The following ZRANB3 variants were observed in gnomAD, a reference collection of about 807,000 sequenced individuals.
ZRANB3 encodes the protein DNA annealing helicase and endonuclease ZRANB3.
In ZRANB3, 125 loss-of-function variants were observed where a neutral mutation model predicts 133.8. The ratio of observed to expected loss-of-function variants is 0.93; its 90% CI spans 0.81 to 1.08. ZRANB3 has a LOEUF of 1.08. Among genes scored for constraint, ZRANB3 ranks in the 50% least tolerant of loss-of-function variants. The pLI is 0.00. For synonymous variants in ZRANB3, 387 were observed against 432.7 expected (o/e 0.89, Z 1.31); for missense variants, 1,229 against 1,275.5 (o/e 0.96, Z 0.56).
chr2:135,200,525 T>A, intron 20 of ZRANB3, 85 bp from the exon 21 acceptor site: 3 of 1,175,006 alleles, frequency 2.6e-6, no homozygotes, highest in Non-Finnish European at 2.4e-6. Context: ...ATTGTTAGTT[T>A]GGAAAATCTA....
chr2:135,236,458 CA>C (rs780348477), intron 12 of ZRANB3, among the ~76,000 whole-genome samples: 1 of 151,902 alleles, frequency 6.6e-6, no homozygotes, highest in African/African-American at 2.4e-5. Context: ...CATATGGAAC[CA>C]AAAAAGAACC....
At chr2:135,416,028 T>C (rs1688556095) in intron 2 of ZRANB3, among the ~76,000 whole-genome samples, 1 of 152,048 alleles carries the variant, frequency 6.6e-6, no homozygotes. Flanking sequence ...ACTGGAAGCA[T>C]TCCCTTTGAA....
chr2:135,208,970 G>A lies in ZRANB3; in HGVS notation c.2504C>T (p.Thr835Ile), dbSNP rs1029594155. 1.2e-6 allele frequency: 2 copies of A among 1,613,462 alleles called. No homozygotes were observed. The highest frequency in any genetic ancestry group is 2.7e-5 in the African/African-American group (2 of 74,884). ...TKQNCTKRYI[T>I]KEDVAVASMD... ...TGAGGCTACGGCAACATCTTCTTTG[G>A]TTATGTATCTAAAACAATGATATGT... Residue 835 changes from threonine (T) to isoleucine (I), a missense_variant, in exon 18 of 21, where the codon ACC becomes ATC. Coordinates refer to ENST00000264159, the MANE Select transcript of ZRANB3 (RefSeq NM_032143.4).
intron 2 of ZRANB3, among the ~76,000 whole-genome samples, chr2:135,445,679 C>T (rs866687683): frequency 7.4e-5 from 11 of 148,376 alleles, no homozygotes; most frequent in Admixed American, 1.4e-4. Flanking sequence ...AGTTCGAGAC[C>T]AGCCTGGCCA....
intron 2 of ZRANB3, among the ~76,000 whole-genome samples, chr2:135,503,432 T>C (rs1046682854): frequency 2.0e-5 from 3 of 152,190 alleles, no homozygotes; most frequent in Non-Finnish European, 4.4e-5. Flanking sequence ...TGTTGTATGT[T>C]TTTTAAACTG....
chr2:135,323,467 G>T (rs1167303265), intron 6 of ZRANB3, among the ~76,000 whole-genome samples: 2 of 152,078 alleles, frequency 1.3e-5, no homozygotes, highest in African/African-American at 2.4e-5. Context: ...GATGATGACA[G>T]ATTACAAATA....
intron 9 of ZRANB3, 87 bp downstream of exon 9, chr2:135,275,549 A>G: frequency 2.5e-6 from 3 of 1,178,906 alleles, no homozygotes; most frequent in Non-Finnish European, 3.3e-6. Flanking sequence ...AAGACAAAAA[A>G]CACCTCAACT....
intron 12 of ZRANB3, among the ~76,000 whole-genome samples, chr2:135,243,924 A>AT (rs557442570): frequency 7.4e-4 from 108 of 146,172 alleles, no homozygotes; most frequent in Admixed American, 6.9e-4. Flanking sequence ...CCGGCCTTAA[A>AT]TTTTTTTTTT....
chr2:135,506,480 C>G (rs899033474), intron 1 of ZRANB3, among the ~76,000 whole-genome samples: 20 of 152,000 alleles, frequency 1.3e-4, no homozygotes, highest in African/African-American at 4.6e-4. Context: ...AGAGCCAAAT[C>G]ATATACAGCC....
At chr2:135,463,133 G>A (rs1226886427) in intron 2 of ZRANB3, among the ~76,000 whole-genome samples, 2 of 152,188 alleles carry the variant, frequency 1.3e-5, no homozygotes, top group Non-Finnish European at 2.9e-5. Flanking sequence ...TTCAAGATTA[G>A]CCTGGGGAAC....
At chr2:135,358,234 CAA>C (rs1443497869) in intron 3 of ZRANB3, among the ~76,000 whole-genome samples, 2 of 152,134 alleles carry the variant, frequency 1.3e-5, no homozygotes, top group Non-Finnish European at 2.9e-5. Flanking sequence ...AGGAAATAGC[CAA>C]AGACTTAAGG....
rs58165671 is a variant in ZRANB3, at chr2:135,350,140, T to G, written c.435A>C (p.Ala145=). The change falls in exon 5 of 21, where the codon GCA becomes GCC. Residue 145 remains alanine (A), a synonymous_variant. Transcript: ENST00000264159. ...CTACTTTGAAGTTCTGATTATTCAG[T>G]GCATCTATCAAAGTCTTTGCATCTG... is the stretch of plus-strand genomic sequence containing the variant. ...LTADAKTLID[A]LNNQNFKVVI... The G allele has an allele frequency of 8.0e-3, 12,966 of 1,613,344 alleles. 946 individuals carry two copies. The African/African-American group carries it at 0.16, about 19-fold the overall frequency.
At chr2:135,482,583 C>G (rs1447767951) in intron 2 of ZRANB3, among the ~76,000 whole-genome samples, 5 of 152,024 alleles carry the variant, frequency 3.3e-5, no homozygotes, top group Non-Finnish European at 7.4e-5. Context: ...TTGACTTCCT[C>G]TTTTCCTAAT....
At chr2:135,476,819 T>G (rs962871494) in intron 2 of ZRANB3, among the ~76,000 whole-genome samples, 1 of 150,584 alleles carries the variant, frequency 6.6e-6, no homozygotes, top group Non-Finnish European at 1.5e-5. Context: ...TCCTTCCACA[T>G]CAACCTCTCA....
At chr2:135,253,295 C>T (rs1392129581) in intron 12 of ZRANB3, among the ~76,000 whole-genome samples, 2 of 152,100 alleles carry the variant, frequency 1.3e-5, no homozygotes, top group African/African-American at 4.8e-5. Context: ...AGGCATGCCT[C>T]CTGGGGGAAC....
At chr2:135,266,955 T>C (rs927929178) in intron 11 of ZRANB3, among the ~76,000 whole-genome samples, 1 of 152,142 alleles carries the variant, frequency 6.6e-6, no homozygotes, top group African/African-American at 2.4e-5. Context: ...AATCCACCTA[T>C]GATCTGGAAC....
chr2:135,227,732 T>C (rs1694808336), intron 14 of ZRANB3, 80 bp downstream of exon 14: 8 of 1,382,972 alleles, frequency 5.8e-6, no homozygotes, highest in Non-Finnish European at 8.0e-6. Context: ...AACAAGGTAG[T>C]AATTACTAAT....
rs1200135891 is a variant in ZRANB3 at position 135,340,820 on chromosome 2, C to T, written c.677+4730G>A. On this transcript the variant is annotated intron_variant, in intron 6 of 20. Coordinates refer to ENST00000264159, the MANE Select transcript of ZRANB3 (RefSeq NM_032143.4). ...GCAATGAGCCAAGACCGCACCATTG[C>T]ACCCCAGGCTGGTCAACAGAGTGAG... 1.4e-5 allele frequency among the ~76,000 whole-genome samples: 2 copies of T among 139,788 alleles called. 1 individual carries two copies. The highest frequency in any genetic ancestry group is 1.3e-4 in the Admixed American group (2 of 14,840). The allele number at this position is 139,788 out of a possible 152,430, so 91.7% of individuals were successfully genotyped here.
At chr2:135,241,511 A>G (rs976955026) in intron 12 of ZRANB3, among the ~76,000 whole-genome samples, 2 of 151,822 alleles carry the variant, frequency 1.3e-5, no homozygotes, top group Admixed American at 6.6e-5. Context: ...TTTTCATGCT[A>G]TAGATTTTCT....
Sources: allele counts gnomAD v4.1 joint callset (sites outside exome capture counted in the v4.1 genomes callset), GRCh38; gene constraint gnomAD v4.1.1; transcripts MANE v1.5; gene names NCBI Gene and HGNC (gene_info 2026-07-23, HGNC 2026-07-21).